Variants in VAPA observed in about 807,000 individuals in gnomAD.
VAPA encodes the protein VAMP associated protein A, also known as vesicle-associated membrane protein-associated protein A.
In VAPA, 6 loss-of-function variants were observed where a neutral mutation model predicts 25.6. That is an observed-to-expected ratio of 0.23 (90% CI 0.13 to 0.46). The LOEUF is 0.46. VAPA is among the 20% of genes least tolerant of loss of function. The pLI is 0.99. For missense variants in VAPA, 244 were observed against 302.1 expected, an observed-to-expected ratio of 0.81 and a Z score of 1.43; for synonymous variants, 112 against 106.2, an observed-to-expected ratio of 1.05 and a Z score of -0.34.
At chr18:9,948,950 T>C (rs1049025627) in intron 4 of VAPA, 2 of 152,232 alleles carry the variant, frequency 1.3e-5, no homozygotes, top group African/African-American at 4.8e-5. Flanking sequence ...AGTTCTTCTA[T>C]TGCCATATTG....
intron 5 of VAPA, 199 bp downstream of exon 5, chr18:9,950,767 T>C (rs956342462): frequency 7.7e-5 from 42 of 544,200 alleles, no homozygotes; most frequent in Non-Finnish European, 1.3e-4. Flanking sequence ...TTCCTTACTT[T>C]AGCACACATT....
chr18:9,950,136 T>G, intron 4 of VAPA: 1 of 353,680 alleles, frequency 2.8e-6, no homozygotes. Flanking sequence ...CTCTCAGCCT[T>G]TGAAGTATTA....
At chr18:9,937,186 T>TCAG (rs1434552807) in intron 4 of VAPA, 120 bp downstream of exon 4, 4 of 460,180 alleles carry the variant, frequency 8.7e-6, no homozygotes, top group African/African-American at 8.3e-5. Flanking sequence ...TTCATAAGAC[T>TCAG]CAGTGGTTAA....
At chr18:9,942,473 C>G (rs559364920) in intron 4 of VAPA, among the ~76,000 whole-genome samples, 2 of 110,462 alleles carry the variant, frequency 1.8e-5, no homozygotes, top group South Asian at 3.2e-4. Flanking sequence ...CTTCCCCAGC[C>G]CCCCCTTCCT....
chr18:9,915,551 A>G (rs548016511), intron 1 of VAPA, among the ~76,000 whole-genome samples: 4 of 152,256 alleles, frequency 2.6e-5, no homozygotes, highest in East Asian at 3.9e-4. Flanking sequence ...TTGGAAGTCT[A>G]TGTCTTGTAT....
chr18:9,951,696 T>TA (rs2143439814), intron 5 of VAPA, among the ~76,000 whole-genome samples: 1 of 152,376 alleles, frequency 6.6e-6, no homozygotes, highest in East Asian at 1.9e-4. Context: ...AAGTAGATGA[T>TA]ACAAAAATGT....
intron 1 of VAPA, among the ~76,000 whole-genome samples, chr18:9,924,693 T>C (rs2069185388): frequency 6.6e-6 from 1 of 152,172 alleles, no homozygotes; most frequent in African/African-American, 2.4e-5. Flanking sequence ...GTAGAAGACG[T>C]TCTTTAAGGT....
intron 4 of VAPA, chr18:9,948,192 T>G (rs1380954549): frequency 6.6e-6 from 1 of 152,206 alleles, no homozygotes; most frequent in Non-Finnish European, 1.5e-5. Context: ...AGATAAATTC[T>G]AATCTAATTC....
At chr18:9,937,657 G>T (rs1393807702) in intron 4 of VAPA, among the ~76,000 whole-genome samples, 3 of 152,170 alleles carry the variant, frequency 2.0e-5, no homozygotes, top group Admixed American at 6.5e-5. Context: ...CGAGTGGGTT[G>T]TAGTCACTTA....
intron 4 of VAPA, among the ~76,000 whole-genome samples, chr18:9,940,421 A>G (rs999208528): frequency 1.3e-5 from 2 of 152,136 alleles, no homozygotes; most frequent in African/African-American, 4.8e-5. Context: ...ACCTGTGACA[A>G]AATTGATTTT....
chr18:9,944,944 T>C, intron 4 of VAPA: 2 of 1,614,194 alleles, frequency 1.2e-6, no homozygotes, highest in Non-Finnish European at 1.7e-6. Context: ...CACCAGGGAA[T>C]GCTCCGACTG....
chr18:9,927,132 T>G (rs1175796498), intron 1 of VAPA, among the ~76,000 whole-genome samples: 1 of 152,172 alleles, frequency 6.6e-6, no homozygotes, highest in Non-Finnish European at 1.5e-5. Flanking sequence ...TACTGAGATG[T>G]TCAGGAGTGA....
chr18:9,919,778 A>C (rs573921594), intron 1 of VAPA, among the ~76,000 whole-genome samples: 1 of 152,290 alleles, frequency 6.6e-6, no homozygotes, highest in Admixed American at 6.5e-5. Context: ...AGGGTTTTTA[A>C]GTGAGGGGAG....
intron 4 of VAPA, among the ~76,000 whole-genome samples, chr18:9,939,992 A>G (rs2069351100): frequency 6.6e-6 from 1 of 152,210 alleles, no homozygotes; most frequent in African/African-American, 2.4e-5. Flanking sequence ...TGTAAGGAGA[A>G]ACTTGTGCTT....
At chr18:9,924,452 A>G (rs2069183517) in intron 1 of VAPA, among the ~76,000 whole-genome samples, 1 of 152,180 alleles carries the variant, frequency 6.6e-6, no homozygotes, top group Non-Finnish European at 1.5e-5. Flanking sequence ...TAAAATTGGT[A>G]TGAAATGTTG....
chr18:9,926,816 T>C (rs2069203761), intron 1 of VAPA, among the ~76,000 whole-genome samples: 1 of 152,088 alleles, frequency 6.6e-6, no homozygotes, highest in African/African-American at 2.4e-5. Flanking sequence ...TCTAAGACAG[T>C]TCACTATTTA....
At position 9,914,253 on chromosome 18, in the gene VAPA, T is replaced by G. The variant is rs752708554; in HGVS notation, c.-4T>G. ...GCGCGCCCCCGCTCTGCGCTGTCTC[T>G]CCGATGGCGTCCGCCTCAGGGGCCA... On this transcript the variant is annotated 5_prime_UTR_variant, in exon 1 of 6. Coordinates refer to ENST00000400000, the MANE Select transcript of VAPA (RefSeq NM_194434.3). The G allele has an allele frequency of 6.3e-7, 1 of 1,579,694 alleles. No individual in the cohort carries two copies. The highest frequency in any genetic ancestry group is 8.6e-7 in the Non-Finnish European group (1 of 1,165,206).
rs559920306 is a variant in VAPA at position 9,952,629 on chromosome 18, C to G, written c.592-1424C>G. 4.6e-5 allele frequency among the ~76,000 whole-genome samples: 7 copies of G among 151,810 alleles called. No homozygotes were observed. The East Asian group carries it at 1.2e-3, about 25-fold the overall frequency. On this transcript the variant is annotated intron_variant, in intron 5 of 5. Coordinates refer to ENST00000400000, the MANE Select transcript of VAPA (RefSeq NM_194434.3). ...CTTACAGAATTTCAGACCCTATACA[C>G]AGGCCCACCATAATTTTTTGCCAGG...
rs2069585044 is a variant in VAPA, at chr18:9,959,666, G to GA, written c.*5460dup. On this transcript the variant is annotated 3_prime_UTR_variant, in exon 6 of 6. Coordinates refer to ENST00000400000, the MANE Select transcript of VAPA (RefSeq NM_194434.3). ...ACTATAGGCACTTAAGAACCCTGAG[G>GA]AAAAATAATACAATGTGTGTGTGTG... 1 of 124,154 alleles carries GA rather than the reference G, an allele frequency of 8.1e-6. No homozygotes were observed. The highest frequency in any genetic ancestry group is 2.6e-4 in the South Asian group (1 of 3,872). 7.7% of individuals were successfully genotyped at this position (124,154 alleles called of 1,614,324 possible). A position where few individuals can be genotyped will look rare whatever the true frequency, so the allele number is the denominator to read the frequency against.
Sources: allele counts gnomAD v4.1 joint callset (sites outside exome capture counted in the v4.1 genomes callset), GRCh38; gene constraint gnomAD v4.1.1; transcripts MANE v1.5; gene names NCBI Gene and HGNC (gene_info 2026-07-23, HGNC 2026-07-21).